Variants in ANXA10 observed in about 807,000 individuals in gnomAD.
ANXA10 encodes the protein annexin 14.
In ANXA10, 49 loss-of-function variants were observed where a neutral mutation model predicts 53.5. The observed-to-expected ratio is 0.92, with a 90% CI of 0.73 to 1.16. The LOEUF (loss-of-function observed/expected upper bound fraction) is 1.16. Ranked by LOEUF, ANXA10 falls within the 50% of genes most tolerant of loss-of-function variation. The pLI, the probability that ANXA10 is intolerant of heterozygous loss-of-function variation, is 0.00. For missense variants in ANXA10, 393 were observed against 394.4 expected (o/e 1.00, Z 0.03); for synonymous variants, 131 against 128.9 (o/e 1.02, Z -0.11).
intron 1 of ANXA10, among the ~76,000 whole-genome samples, chr4:168,114,302 C>T (rs1250030235): frequency 6.6e-6 from 1 of 152,012 alleles, no homozygotes; most frequent in Non-Finnish European, 1.5e-5. Flanking sequence ...TAGACAGAGT[C>T]TTGCTCTGTT....
chr4:168,131,707 C>T (rs1312665314), intron 2 of ANXA10, among the ~76,000 whole-genome samples: 2 of 151,898 alleles, frequency 1.3e-5, no homozygotes, highest in Non-Finnish European at 2.9e-5. Flanking sequence ...TTTGTTATAT[C>T]TTCTTGGAGA....
chr4:168,154,709 G>T (rs148627779), intron 3 of ANXA10, among the ~76,000 whole-genome samples: 423 of 152,178 alleles, frequency 2.8e-3, no homozygotes, highest in African/African-American at 9.7e-3. Flanking sequence ...CCACCTATTT[G>T]CTATGTTCAT....
At chr4:168,134,356 G>T (rs1731201325) in intron 2 of ANXA10, among the ~76,000 whole-genome samples, 1 of 151,988 alleles carries the variant, frequency 6.6e-6, no homozygotes, top group South Asian at 2.1e-4. Flanking sequence ...TTTAAAAATT[G>T]TAATACAATT....
chr4:168,171,283 T>A (rs902806149), intron 6 of ANXA10, among the ~76,000 whole-genome samples: 1 of 152,162 alleles, frequency 6.6e-6, no homozygotes, highest in African/African-American at 2.4e-5. Context: ...ATCTCTCCCA[T>A]CAGTTTTGTA....
intron 1 of ANXA10, among the ~76,000 whole-genome samples, chr4:168,105,160 T>C (rs1218215775): frequency 1.3e-5 from 2 of 151,838 alleles, no homozygotes; most frequent in African/African-American, 4.8e-5. Context: ...GCAGGTTTGT[T>C]ATACAGGTAA....
intron 6 of ANXA10, among the ~76,000 whole-genome samples, chr4:168,169,754 C>A (rs1007994677): frequency 2.0e-5 from 3 of 152,206 alleles, no homozygotes; most frequent in African/African-American, 7.2e-5. Context: ...CTATCTCCAA[C>A]CCCATTTGGT....
At position 168,170,798 on chromosome 4, in the gene ANXA10, A is replaced by G. The variant is rs574856285; in HGVS notation, c.480+5472A>G. ...CAGTACATTTTCCTTAAAATATAAA[A>G]TACACAAAAATACAATAATACATAT... On this transcript the variant is annotated intron_variant, in intron 6 of 11. Transcript: ENST00000359299. Among the ~76,000 whole-genome samples, 10 of 152,138 alleles carry G rather than the reference A, an allele frequency of 6.6e-5. 1 individual carries two copies. Among genetic ancestry groups the G allele is most frequent in the African/African-American group, 2.4e-4 (10 of 41,428 alleles).
chr4:168,120,080 G>C (rs2149468183), intron 1 of ANXA10, among the ~76,000 whole-genome samples: 1 of 151,830 alleles, frequency 6.6e-6, no homozygotes, highest in Admixed American at 6.6e-5. Context: ...GCAATACTTG[G>C]CACTCTGTAA....
intron 3 of ANXA10, among the ~76,000 whole-genome samples, chr4:168,155,713 TATTATATA>T (rs1421092335): frequency 9.7e-5 from 1 of 10,332 alleles, no homozygotes; most frequent in African/African-American, 7.9e-4. Context: ...AAATATATAA[TATTATATA>T]ATATAATATA....
chr4:168,141,541 A>G (rs992463249), intron 3 of ANXA10, among the ~76,000 whole-genome samples: 2 of 152,220 alleles, frequency 1.3e-5, no homozygotes, highest in Admixed American at 6.5e-5. Flanking sequence ...TTCTCCCTAC[A>G]AACATCCGTG....
intron 6 of ANXA10, among the ~76,000 whole-genome samples, chr4:168,174,095 C>T (rs1158598640): frequency 1.3e-5 from 2 of 152,000 alleles, no homozygotes; most frequent in Admixed American, 6.6e-5. Context: ...CCTTGCTCAC[C>T]CACTGACTGT....
At chr4:168,130,834 A>C (rs1424557709) in intron 2 of ANXA10, among the ~76,000 whole-genome samples, 3 of 148,932 alleles carry the variant, frequency 2.0e-5, no homozygotes, top group African/African-American at 4.9e-5. Context: ...CGTAAGTTTT[A>C]TCTCTCTCTC....
At chr4:168,125,923 C>T (rs1440656276) in intron 1 of ANXA10, among the ~76,000 whole-genome samples, 2 of 151,992 alleles carry the variant, frequency 1.3e-5, no homozygotes, top group Non-Finnish European at 2.9e-5. Context: ...ATTTTGATTA[C>T]CTTGTGGTAA....
Position 168,165,389 on chromosome 4 carries a change from C to CAAA in ANXA10, c.480+78_480+80dup, listed in dbSNP as rs33925175. 867 of 399,578 alleles carry CAAA rather than the reference C, an allele frequency of 2.2e-3. 2 individuals carry two copies. Among genetic ancestry groups the CAAA allele is most frequent in the East Asian group, 0.014 (272 of 20,142 alleles). 24.8% of individuals were successfully genotyped at this position (399,578 alleles called of 1,614,324 possible). On this transcript the variant is annotated intron_variant, in intron 6 of 11. Coordinates refer to ENST00000359299, the MANE Select transcript of ANXA10 (RefSeq NM_007193.5). ...TAAGCAAATAAGTATATGTCATTGCCAAAAAAAAAAAAAAAAATAGAACAG... is the reference window on the plus strand; with the variant it reads ...TAAGCAAATAAGTATATGTCATTGCCAAAAAAAAAAAAAAAAAAAATAGAACAG...
intron 1 of ANXA10, among the ~76,000 whole-genome samples, chr4:168,109,213 AAAG>A (rs1242320577): frequency 2.2e-4 from 34 of 152,204 alleles, no homozygotes; most frequent in Non-Finnish European, 1.6e-4. Flanking sequence ...CACTTTCCAG[AAAG>A]AAGATCAATG....
At chr4:168,150,977 G>C (rs955310622) in intron 3 of ANXA10, among the ~76,000 whole-genome samples, 3 of 152,190 alleles carry the variant, frequency 2.0e-5, no homozygotes, top group Admixed American at 1.3e-4. Context: ...GAGCTAGGGA[G>C]GGGGTACCAT....
chr4:168,098,422 C>G (rs1730586195), intron 1 of ANXA10, among the ~76,000 whole-genome samples: 1 of 152,160 alleles, frequency 6.6e-6, no homozygotes, highest in African/African-American at 2.4e-5. Flanking sequence ...TAGCCTCACA[C>G]ACACCCACAT....
intron 3 of ANXA10, among the ~76,000 whole-genome samples, chr4:168,146,921 C>CT (rs527248695): frequency 7.0e-4 from 107 of 152,314 alleles, no homozygotes; most frequent in Non-Finnish European, 6.3e-4. Flanking sequence ...AATAATCATT[C>CT]TTTTTTTGTT....
intron 3 of ANXA10, among the ~76,000 whole-genome samples, chr4:168,162,327 T>G (rs570706501): frequency 6.6e-6 from 1 of 152,334 alleles, no homozygotes; most frequent in East Asian, 1.9e-4. Flanking sequence ...ATATGCTATG[T>G]CATGCAGGGG....
Sources: allele counts gnomAD v4.1 joint callset (sites outside exome capture counted in the v4.1 genomes callset), GRCh38; gene constraint gnomAD v4.1.1; transcripts MANE v1.5; gene names NCBI Gene and HGNC (gene_info 2026-07-23, HGNC 2026-07-21).